The following GCN1 variants were observed in gnomAD, a reference collection of about 807,000 sequenced individuals.
GCN1 encodes GCN1 activator of EIF2AK4.
A neutral mutation model predicts 288.4 loss-of-function variants in GCN1; 90 were observed. The observed-to-expected ratio is 0.31, with a 90% confidence interval of 0.26 to 0.37. GCN1 has a LOEUF of 0.37. GCN1 is among the 10% of genes least tolerant of loss of function. The probability of loss-of-function intolerance (pLI) is 1.00; values close to 1 mark genes in which losing one functional copy is unlikely to be tolerated. For synonymous variants in GCN1, 1,386 were observed against 1,420.2 expected (o/e 0.98, Z 0.54); for missense variants, 2,586 against 3,419.9 (o/e 0.76, Z 6.08).
rs895669666 is a variant in GCN1 at position 120,155,780 on chromosome 12, C to T, written c.3313-61G>A. The T allele has an allele frequency of 6.5e-6, 10 of 1,549,288 alleles. No homozygotes were observed. Among genetic ancestry groups the T allele is most frequent in the Admixed American group, 1.7e-5 (1 of 59,756 alleles). ...TCTTTCAGAAGAGCCTCTGACCTGC[C>T]TCCTCACCTCTCTCTAGGTTGTACT... On this transcript the variant is annotated intron_variant, in intron 28 of 57. Coordinates refer to ENST00000300648, the MANE Select transcript of GCN1 (RefSeq NM_006836.2). The surrounding 1 kb of genome is among the most constrained non-coding windows in gnomAD (Gnocchi z 4.9).
intron 35 of GCN1, 94 bp from the exon 36 acceptor site, chr12:120,149,814 T>C: frequency 1.3e-6 from 2 of 1,536,978 alleles, no homozygotes; most frequent in Non-Finnish European, 9.0e-7. Flanking sequence ...TAACCAACGC[T>C]TACTGGGGTT....
chr12:120,177,372 C>G, intron 9 of GCN1, 75 bp downstream of exon 9: 1 of 754,972 alleles, frequency 1.3e-6, no homozygotes. Flanking sequence ...ACACACACTT[C>G]TTGTTGCCAA....
intron 5 of GCN1, among the ~76,000 whole-genome samples, chr12:120,181,877 T>C: frequency 7.0e-6 from 1 of 143,092 alleles, no homozygotes. Context: ...CTGGGCACAA[T>C]GGCTCATACC....
chr12:120,153,799 T>C lies in GCN1; in HGVS notation c.3812A>G (p.Asp1271Gly). 1 of 1,614,128 alleles carries C rather than the reference T, an allele frequency of 6.2e-7. No homozygotes were observed. The highest frequency in any genetic ancestry group is 8.5e-7 in the Non-Finnish European group (1 of 1,179,984). Residue 1271 changes from aspartate to glycine, a missense_variant, in exon 32 of 58, where the codon GAT becomes GGT. Asp to Gly is a moderately conservative substitution (Grantham distance 94, BLOSUM62 -1). Around this residue, in one of 8 missense-constraint regions of GCN1, gnomAD observed 332 missense variants for 403.0 expected, o/e 0.82. Transcript: ENST00000300648. This position sits in a 1 kb window ranked among gnomAD's most constrained non-coding sequence, Gnocchi z 4.4. ...VPDALNDRHP[D>G]VRKCMLDAAL... The stretch of plus-strand genomic sequence containing the variant: ...TGCATCCAACATGCACTTCCGGACA[T>C]CTGGGTGTCGGTCATTGAGGGCATC...
rs562084722 is a variant in GCN1 at position 120,135,979 on chromosome 12, G to A, written c.7008+523C>T. On this transcript the variant is annotated intron_variant, in intron 51 of 57. Coordinates refer to ENST00000300648, the MANE Select transcript of GCN1 (RefSeq NM_006836.2). ...TGCAGTGAGCCGAGATCGCGCCACT[G>A]CACTCCAGCTCTGGGTGACAGAGTT... Among the ~76,000 whole-genome samples, 222 of 152,126 alleles carry A rather than the reference G, an allele frequency of 1.5e-3. 2 individuals are homozygous for A. Among genetic ancestry groups the A allele is most frequent in the Non-Finnish European group, 2.8e-3 (188 of 68,014 alleles).
In GCN1 at chr12:120,158,090, G is replaced by C; in HGVS notation, c.2906-60C>G. The C allele has an allele frequency of 6.6e-7, 1 of 1,526,290 alleles. No homozygotes were observed. The highest frequency in any genetic ancestry group is 9.0e-7 in the Non-Finnish European group (1 of 1,110,514). 94.5% of individuals were successfully genotyped at this position (1,526,290 alleles called of 1,614,324 possible). On this transcript the variant is annotated intron_variant, in intron 25 of 57. Transcript: ENST00000300648. This position sits in a 1 kb window ranked among gnomAD's most constrained non-coding sequence, Gnocchi z 4.3. ...CAGGGCAGGGACCCGGGCCACTGCT[G>C]CCTATTTCTATCCTCAGGGAAAGTA...
intron 9 of GCN1, among the ~76,000 whole-genome samples, chr12:120,176,978 C>A (rs1878500131): frequency 6.6e-6 from 1 of 152,122 alleles, no homozygotes; most frequent in Non-Finnish European, 1.5e-5. Flanking sequence ...GTTGGTCAGG[C>A]TGGTTTCAAA....
At chr12:120,177,624 C>G in intron 8 of GCN1, 60 bp downstream of exon 8, 5 of 1,540,148 alleles carry the variant, frequency 3.2e-6, no homozygotes, top group Non-Finnish European at 4.5e-6. Flanking sequence ...AAGAGTTCAG[C>G]ATCCCAGAAT....
chr12:120,132,456 C>A (rs996024823), intron 53 of GCN1, among the ~76,000 whole-genome samples: 3 of 152,138 alleles, frequency 2.0e-5, no homozygotes, highest in Admixed American at 6.5e-5. Flanking sequence ...CGGCTAGAGA[C>A]GGCCACTCTG....
intron 53 of GCN1, among the ~76,000 whole-genome samples, chr12:120,132,383 G>A (rs1051539414): frequency 6.6e-6 from 1 of 151,916 alleles, no homozygotes; most frequent in South Asian, 2.1e-4. Context: ...CAACAGCCCT[G>A]TGAGGCAGGG....
In GCN1 at chr12:120,137,589, C is replaced by G. The variant is rs1877050132; in HGVS notation, c.6619G>C (p.Val2207Leu). The G allele has an allele frequency of 6.2e-7, 1 of 1,613,998 alleles. No homozygotes were observed. The highest frequency in any genetic ancestry group is 1.3e-5 in the African/African-American group (1 of 74,926). Residue 2207 changes from valine to leucine, a missense_variant, in exon 49 of 58, where the codon GTG becomes CTG. Val to Leu is a conservative substitution (Grantham distance 32, BLOSUM62 1). Around this residue, in one of 8 missense-constraint regions of GCN1, gnomAD observed 437 missense variants for 570.5 expected, o/e 0.77. Coordinates refer to ENST00000300648, the MANE Select transcript of GCN1 (RefSeq NM_006836.2). The surrounding 1 kb of genome is among the most constrained non-coding windows in gnomAD (Gnocchi z 5.2). The stretch of plus-strand genomic sequence containing the variant: ...GCATCCCAGCTCTCCTCCAGAACCA[C>G]AGGGCTGGAGTCATTGAAGAGGCGG... ...LIRLFNDSSP[V>L]VLEESWDALN... is the part of the protein sequence containing the mutation.
rs990815351 is a variant in GCN1, at chr12:120,158,323, C to G, written c.2905+137G>C. 9.2e-6 allele frequency: 7 copies of G among 762,268 alleles called. No individual in the cohort carries two copies. Among genetic ancestry groups the G allele is most frequent in the African/African-American group, 1.8e-5 (1 of 56,832 alleles). 47.2% of individuals were successfully genotyped at this position (762,268 alleles called of 1,614,324 possible). ...TGGGCTCACTGCAATTCACAGACTA[C>G]GAAGGTTCAATTCAGAAATCCTCCA... On this transcript the variant is annotated intron_variant, in intron 25 of 57. Transcript: ENST00000300648. This position sits in a 1 kb window ranked among gnomAD's most constrained non-coding sequence, Gnocchi z 4.3.
rs1039236677 is a variant in GCN1, at chr12:120,137,395, G to T, written c.6664-76C>A. ...CTTCCAAAGAATATATGGGGAAAGCGTGGGCGGGAGTATAAACAAGACTTG... is the reference window on the plus strand; with the variant it reads ...CTTCCAAAGAATATATGGGGAAAGCTTGGGCGGGAGTATAAACAAGACTTG... On this transcript the variant is annotated intron_variant, in intron 49 of 57. Coordinates refer to ENST00000300648, the MANE Select transcript of GCN1 (RefSeq NM_006836.2). The surrounding 1 kb of genome is among the most constrained non-coding windows in gnomAD (Gnocchi z 5.2). 100 of 1,414,856 alleles carry T rather than the reference G, an allele frequency of 7.1e-5. 1 individual carries two copies. Among genetic ancestry groups the T allele is most frequent in the Admixed American group, 3.9e-4 (23 of 59,214 alleles). 87.6% of individuals were successfully genotyped at this position (1,414,856 alleles called of 1,614,324 possible). A position where few individuals can be genotyped will look rare whatever the true frequency, so the allele number is the denominator to read the frequency against.
rs761744808 is a variant in GCN1 at position 120,161,975 on chromosome 12, G to A, written c.2247C>T (p.Ser749=). Residue 749 remains serine, a synonymous_variant, in exon 21 of 58, where the codon TCC becomes TCT. Transcript: ENST00000300648. ...CCAGGCGCAGTGCAGGGTTCTGCAC[G>A]GAGGCAGTGATGGTGCTGATGAGCT... ...LPQLISTITA[S]VQNPALRLVT... 12 of 1,613,590 alleles carry A rather than the reference G, an allele frequency of 7.4e-6. No individual in the cohort carries two copies. Among genetic ancestry groups the A allele is most frequent in the African/African-American group, 2.7e-5 (2 of 74,920 alleles).
chr12:120,165,926 G>T (rs889272451), intron 16 of GCN1, among the ~76,000 whole-genome samples: 1 of 151,658 alleles, frequency 6.6e-6, no homozygotes, highest in African/African-American at 2.4e-5. Context: ...CGAGTAGCTG[G>T]GATTACAGGC....
Position 120,158,176 on chromosome 12 carries a change from A to G in GCN1, c.2906-146T>C. The G allele has an allele frequency of 1.3e-6, 1 of 759,724 alleles. No individual in the cohort carries two copies. Among genetic ancestry groups the G allele is most frequent in the Non-Finnish European group, 2.1e-6 (1 of 475,008 alleles). The allele number at this position is 759,724 out of a possible 1,614,324, so 47.1% of individuals were successfully genotyped here. ...GGAAGCACATGGCACGAGGACAGAG[A>G]CAGCAGCTGGTAGTCCAGTTCTAAA... On this transcript the variant is annotated intron_variant, in intron 25 of 57. Coordinates refer to ENST00000300648, the MANE Select transcript of GCN1 (RefSeq NM_006836.2). This position sits in a 1 kb window ranked among gnomAD's most constrained non-coding sequence, Gnocchi z 4.3.
chr12:120,194,009 C>T (rs1423454737), intron 1 of GCN1, among the ~76,000 whole-genome samples: 1 of 152,214 alleles, frequency 6.6e-6, no homozygotes, highest in Non-Finnish European at 1.5e-5. Context: ...CCTTCCTGAA[C>T]TACAAGGTAC....
chr12:120,158,779 G>A lies in GCN1; in HGVS notation c.2750-164C>T, dbSNP rs1380976697. ...TGTAATCCCAGCACTTTGGGAGGCC[G>A]AGGCGGGCGGATCATGAGGTCAGGA... is the stretch of plus-strand genomic sequence containing the variant. On this transcript the variant is annotated intron_variant, in intron 24 of 57. Coordinates refer to ENST00000300648, the MANE Select transcript of GCN1 (RefSeq NM_006836.2). The surrounding 1 kb of genome is among the most constrained non-coding windows in gnomAD (Gnocchi z 4.3). Among the ~76,000 whole-genome samples, 3 of 152,118 alleles carry A rather than the reference G, an allele frequency of 2.0e-5. No homozygotes were observed. Among genetic ancestry groups the A allele is most frequent in the African/African-American group, 7.2e-5 (3 of 41,420 alleles).
At chr12:120,157,086 A>T (rs931137346) in intron 26 of GCN1, 94 bp from the exon 27 acceptor site, 9 of 782,756 alleles carry the variant, frequency 1.1e-5, no homozygotes, top group Non-Finnish European at 2.0e-5. Flanking sequence ...CCACGGGGGA[A>T]CATTCTGGAT....
Sources: allele counts gnomAD v4.1 joint callset (sites outside exome capture counted in the v4.1 genomes callset), GRCh38; gene constraint gnomAD v4.1.1; regional missense constraint gnomAD v4.1.1; non-coding constraint Gnocchi (gnomAD v3.1); transcripts MANE v1.5; gene names NCBI Gene and HGNC (gene_info 2026-07-23, HGNC 2026-07-21).